ERLIN1: variants seen among roughly 807,000 people sequenced by gnomAD.
The protein encoded by ERLIN1 is ER lipid raft associated 1.
Under a neutral mutation model 46.9 loss-of-function variants are expected in ERLIN1, and 24 were observed. The observed-to-expected ratio is 0.51, with a 90% confidence interval of 0.37 to 0.72. ERLIN1 has a LOEUF of 0.72. Among genes scored for constraint, ERLIN1 ranks in the 30% least tolerant of loss-of-function variants. The probability of loss-of-function intolerance (pLI) is 0.00; values close to 1 mark genes in which losing one functional copy is unlikely to be tolerated. For synonymous variants in ERLIN1, 158 were observed against 143.2 expected, an observed-to-expected ratio of 1.10 and a Z score of -0.74; for missense variants, 293 against 417.9, an observed-to-expected ratio of 0.70 and a Z score of 2.61.
rs540228627 is a variant in ERLIN1, at chr10:100,158,397, T to C, written c.656-2163A>G. Among the ~76,000 whole-genome samples, 8 of 152,252 alleles carry C rather than the reference T, an allele frequency of 5.3e-5. No individual in the cohort carries two copies. The East Asian group carries it at 1.4e-3, about 26-fold the overall frequency. ...ATAGGTGCAAGCAGCCAAACAAAAT[T>C]GAAATAATACTGCCATATTGATAAG... On this transcript the variant is annotated intron_variant, in intron 8 of 10. Coordinates refer to ENST00000421367, the MANE Select transcript of ERLIN1 (RefSeq NM_006459.4).
rs550974053 is a variant in ERLIN1 at position 100,164,451 on chromosome 10, T to C, written c.564-356A>G. Among the ~76,000 whole-genome samples the C allele has an allele frequency of 5.9e-5, 9 of 152,346 alleles. No individual in the cohort carries two copies. In the East Asian group the frequency reaches 1.7e-3, roughly 29 times the overall value. On this transcript the variant is annotated intron_variant, in intron 7 of 10. Coordinates refer to ENST00000421367, the MANE Select transcript of ERLIN1 (RefSeq NM_006459.4). ...AGTCCATACAGCAGCTCTGTGCCAA[T>C]TAGAAAACGGCACCAGCCGTTTCTA...
intron 6 of ERLIN1, among the ~76,000 whole-genome samples, chr10:100,171,180 C>T (rs182754770): frequency 6.6e-6 from 1 of 152,074 alleles, no homozygotes; most frequent in African/African-American, 2.4e-5. Flanking sequence ...CTCAGCAACA[C>T]ACCATAAAGA....
chr10:100,168,530 TGA>T (rs1444693617), intron 6 of ERLIN1, among the ~76,000 whole-genome samples: 7,424 of 152,166 alleles, frequency 0.049, 591 homozygotes, highest in African/African-American at 0.17. Context: ...CCAGATTTTG[TGA>T]GATGTCAGAT....
chr10:100,173,053 G>A (rs773148190), intron 6 of ERLIN1, among the ~76,000 whole-genome samples: 3 of 152,124 alleles, frequency 2.0e-5, no homozygotes, highest in African/African-American at 4.8e-5. Flanking sequence ...ACCCTCAAGC[G>A]CCTGAGATAA....
At chr10:100,174,388 A>G in intron 5 of ERLIN1, 107 bp from the exon 6 acceptor site, 1 of 810,436 alleles carries the variant, frequency 1.2e-6, no homozygotes, top group South Asian at 1.6e-5. Context: ...TTTCCACAGT[A>G]CTATTCTTTT....
intron 2 of ERLIN1, among the ~76,000 whole-genome samples, chr10:100,181,253 T>C (rs922154934): frequency 4.6e-5 from 7 of 152,218 alleles, no homozygotes; most frequent in Admixed American, 4.6e-4. Context: ...ATTTCTTTTA[T>C]GTCCTCTTAA....
chr10:100,184,583 G>T (rs1342749631), intron 1 of ERLIN1, among the ~76,000 whole-genome samples: 5 of 152,292 alleles, frequency 3.3e-5, no homozygotes, highest in Admixed American at 3.3e-4. Context: ...TAATAACAAG[G>T]AAAGATGAAC....
intron 7 of ERLIN1, 135 bp downstream of exon 7, chr10:100,167,213 C>T: frequency 1.5e-6 from 1 of 686,166 alleles, no homozygotes; most frequent in Non-Finnish European, 2.6e-6. Context: ...GGCAATATTA[C>T]TAGAGTAAGA....
intron 1 of ERLIN1, among the ~76,000 whole-genome samples, chr10:100,184,296 G>A (rs116181427): frequency 0.012 from 1,776 of 151,994 alleles, 45 homozygotes; most frequent in African/African-American, 0.04. Flanking sequence ...TAATTCTTTC[G>A]ATCTATCTAC....
At chr10:100,164,630 A>G (rs146274773) in intron 7 of ERLIN1, among the ~76,000 whole-genome samples, 2,850 of 152,344 alleles carry the variant, frequency 0.019, 38 homozygotes, top group Middle Eastern at 0.041. Flanking sequence ...GCTTACAGTA[A>G]GGAGAATTTT....
At chr10:100,168,639 A>G (rs1327917225) in intron 6 of ERLIN1, among the ~76,000 whole-genome samples, 1 of 152,016 alleles carries the variant, frequency 6.6e-6, no homozygotes, top group East Asian at 1.9e-4. Context: ...GAGACTGGCC[A>G]CATATCTTTT....
At chr10:100,161,984 T>A (rs1336021655) in intron 8 of ERLIN1, among the ~76,000 whole-genome samples, 2 of 152,118 alleles carry the variant, frequency 1.3e-5, no homozygotes, top group Non-Finnish European at 2.9e-5. Context: ...ATAAAAGTCT[T>A]ACTTTGGACT....
At position 100,183,794 on chromosome 10, in the gene ERLIN1, T is replaced by A. The variant is rs1453857092; in HGVS notation, c.157A>T (p.Ile53Phe). 1.9e-6 allele frequency: 3 copies of A among 1,613,772 alleles called. No homozygotes were observed. Among genetic ancestry groups the A allele is most frequent in the Non-Finnish European group, 2.5e-6 (3 of 1,179,706 alleles). ...AACGTAGTAATGAAAGGCAACATGA[T>A]ATGATAGCCTGGTCCACTGGGGCTA... is the stretch of plus-strand genomic sequence containing the variant. ...LTSPSGPGYHIMLPFITTFRS... is the reference protein window; with the variant it reads ...LTSPSGPGYHFMLPFITTFRS... Residue 53 changes from isoleucine to phenylalanine, a missense_variant, in exon 2 of 11, where the codon ATC (isoleucine) becomes TTC (phenylalanine). Physicochemically the swap from Ile to Phe is conservative, Grantham distance 21. Around this residue, in one of 3 missense-constraint regions of ERLIN1, gnomAD observed 76 missense variants for 77.0 expected, o/e 0.99. Transcript: ENST00000421367.
chr10:100,162,828 C>T (rs886161181), intron 8 of ERLIN1, among the ~76,000 whole-genome samples: 5 of 152,140 alleles, frequency 3.3e-5, no homozygotes, highest in African/African-American at 1.2e-4. Context: ...CATTGAGGCT[C>T]AGAAACAAAA....
At chr10:100,182,865 A>C (rs1413789304) in intron 2 of ERLIN1, among the ~76,000 whole-genome samples, 1 of 152,232 alleles carries the variant, frequency 6.6e-6, no homozygotes, top group African/African-American at 2.4e-5. Flanking sequence ...AATGGGTAAA[A>C]TAAATATGGA....
chr10:100,179,151 G>T, intron 3 of ERLIN1, 50 bp downstream of exon 3: 2 of 1,425,976 alleles, frequency 1.4e-6, no homozygotes, highest in Non-Finnish European at 1.9e-6. Context: ...TGTAGGAACA[G>T]AAACTCTGTC....
intron 8 of ERLIN1, among the ~76,000 whole-genome samples, chr10:100,160,428 A>G (rs1284290652): frequency 1.3e-5 from 2 of 152,180 alleles, no homozygotes; most frequent in African/African-American, 4.8e-5. Flanking sequence ...TAGTATAACC[A>G]TGATACAAAA....
In ERLIN1 at chr10:100,183,712, T is replaced by C. The variant is rs775473872; in HGVS notation, c.195+44A>G. 1.3e-5 allele frequency: 17 copies of C among 1,331,720 alleles called. No homozygotes were observed. In the South Asian group the frequency reaches 1.4e-4, roughly 11 times the overall value. The allele number at this position is 1,331,720 out of a possible 1,614,324, so 82.5% of individuals were successfully genotyped here. On this transcript the variant is annotated intron_variant, in intron 2 of 10. Transcript: ENST00000421367. The stretch of plus-strand genomic sequence containing the variant: ...CCCACAAGTGTGGTAACTCCTGTCA[T>C]GCCTGTCTATCTGGTATGGAGGCTT...
In ERLIN1 at chr10:100,178,318, G is replaced by A. The variant is rs74153000; in HGVS notation, c.243-124C>T. 2,417 of 616,100 alleles carry A rather than the reference G, an allele frequency of 3.9e-3. 49 individuals are homozygous for A. The African/African-American group carries it at 0.041, about 10-fold the overall frequency. The allele number at this position is 616,100 out of a possible 1,614,324, so 38.2% of individuals were successfully genotyped here. On this transcript the variant is annotated intron_variant, in intron 3 of 10. Coordinates refer to ENST00000421367, the MANE Select transcript of ERLIN1 (RefSeq NM_006459.4). The stretch of plus-strand genomic sequence containing the variant: ...TTCACTTAAAACACAGAAAGAGTTC[G>A]CTTCCTTTTTCATAGCATTTCTGTC...
Sources: gnomAD v4.1 joint callset for allele counts (sites outside exome capture counted in the v4.1 genomes callset) on GRCh38, gnomAD v4.1.1 for gene constraint, gnomAD v4.1.1 regional missense constraint, MANE v1.5 for transcripts, NCBI Gene and HGNC (gene_info 2026-07-23, HGNC 2026-07-21) for gene names.